SMAD5: variants seen among roughly 807,000 people sequenced by gnomAD.
SMAD5 encodes the protein MAD, mothers against decapentaplegic homolog 5.
Under a neutral mutation model 43.1 loss-of-function variants are expected in SMAD5, and 9 were observed. The observed-to-expected ratio is 0.21, with a 90% CI of 0.13 to 0.36. The LOEUF (loss-of-function observed/expected upper bound fraction) is 0.36, where lower values mean the gene tolerates loss of function less well. Ranked by LOEUF, SMAD5 falls within the 10% of genes least tolerant of loss-of-function variation. SMAD5 has a pLI of 1.00. For missense variants in SMAD5, 348 were observed against 574.0 expected (o/e 0.61, Z 4.02); for synonymous variants, 190 against 192.4 (o/e 0.99, Z 0.10).
intron 3 of SMAD5, among the ~76,000 whole-genome samples, 166 bp downstream of exon 3, chr5:136,154,329 A>T (rs1047613592): frequency 2.0e-5 from 3 of 152,254 alleles, no homozygotes; most frequent in Admixed American, 6.5e-5. Flanking sequence ...TTAGCTTTTT[A>T]TATGTAGGTG....
intron 1 of SMAD5, among the ~76,000 whole-genome samples, chr5:136,137,017 ATTTT>A (rs60239443): frequency 1.7e-4 from 18 of 108,984 alleles, no homozygotes; most frequent in East Asian, 2.7e-4. Context: ...TTTAGTTTTG[ATTTT>A]TTTTTTTTTT....
intron 2 of SMAD5, among the ~76,000 whole-genome samples, chr5:136,149,088 T>C (rs967805976): frequency 6.6e-6 from 1 of 151,834 alleles, no homozygotes; most frequent in Non-Finnish European, 1.5e-5. Context: ...TTGCCTGTTT[T>C]TGAATGTTGT....
At chr5:136,143,289 A>T in intron 1 of SMAD5, among the ~76,000 whole-genome samples, 1 of 146,028 alleles carries the variant, frequency 6.8e-6, no homozygotes, top group South Asian at 2.2e-4. Flanking sequence ...TTATTTAATC[A>T]CGGTGTGTGT....
intron 1 of SMAD5, among the ~76,000 whole-genome samples, chr5:136,144,290 G>C (rs1753187946): frequency 6.6e-6 from 1 of 152,006 alleles, no homozygotes; most frequent in Admixed American, 6.6e-5. Flanking sequence ...TGATGCTCAT[G>C]GTTAGCCTGT....
chr5:136,177,097 C>G (rs1229286975), intron 7 of SMAD5, among the ~76,000 whole-genome samples: 1 of 152,052 alleles, frequency 6.6e-6, no homozygotes, highest in Non-Finnish European at 1.5e-5. Flanking sequence ...ATAACTGGCT[C>G]TAAGGGTTTC....
At chr5:136,142,162 A>G (rs1420498421) in intron 1 of SMAD5, among the ~76,000 whole-genome samples, 7 of 152,188 alleles carry the variant, frequency 4.6e-5, no homozygotes, top group Non-Finnish European at 8.8e-5. Flanking sequence ...TGGAATTTAC[A>G]TTCTTGTGGG....
intron 1 of SMAD5, among the ~76,000 whole-genome samples, chr5:136,144,466 A>C (rs1281102699): frequency 2.0e-5 from 3 of 151,960 alleles, no homozygotes; most frequent in African/African-American, 7.2e-5. Context: ...TTTATAAACA[A>C]CTGTTTTACA....
chr5:136,173,494 G>A (rs574821302), intron 6 of SMAD5, among the ~76,000 whole-genome samples: 9 of 152,142 alleles, frequency 5.9e-5, no homozygotes, highest in South Asian at 2.1e-4. Flanking sequence ...AATAAGTTAC[G>A]AAACAAAGTT....
intron 1 of SMAD5, among the ~76,000 whole-genome samples, chr5:136,144,941 A>T (rs1425246023): frequency 6.6e-6 from 1 of 151,846 alleles, no homozygotes; most frequent in Non-Finnish European, 1.5e-5. Context: ...AACACTGAGG[A>T]ATATAGGAGA....
chr5:136,164,967 A>C (rs992664350), intron 5 of SMAD5, among the ~76,000 whole-genome samples: 1 of 152,174 alleles, frequency 6.6e-6, no homozygotes, highest in African/African-American at 2.4e-5. Context: ...TGTTGAAAAG[A>C]GTATCATTTC....
At chr5:136,141,215 A>G (rs1416099591) in intron 1 of SMAD5, among the ~76,000 whole-genome samples, 1 of 152,202 alleles carries the variant, frequency 6.6e-6, no homozygotes, top group Non-Finnish European at 1.5e-5. Context: ...AAGACATTCC[A>G]GTATAGGAAG....
chr5:136,168,068 T>A (rs547219206), intron 5 of SMAD5, among the ~76,000 whole-genome samples: 2 of 152,278 alleles, frequency 1.3e-5, no homozygotes, highest in South Asian at 4.1e-4. Context: ...CTTGAACTCC[T>A]GACCTCACAT....
At chr5:136,168,030 G>A (rs775637223) in intron 5 of SMAD5, among the ~76,000 whole-genome samples, 27 of 152,024 alleles carry the variant, frequency 1.8e-4, no homozygotes, top group Non-Finnish European at 1.2e-4. Context: ...TAATAGAGAC[G>A]GAGTTTCACC....
rs1754549773 is a variant in SMAD5 at position 136,179,578 on chromosome 5, A to G, written c.*2098A>G. The stretch of plus-strand genomic sequence containing the variant: ...CAGTGGATGGTTTTAGTTCTTTCAG[A>G]TGAACTGCCATTTGTGTTTCAGCTC... On this transcript the variant is annotated 3_prime_UTR_variant, in exon 8 of 8. Transcript: ENST00000545279. 1.3e-5 allele frequency: 2 copies of G among 152,218 alleles called. No individual in the cohort carries two copies. The highest frequency in any genetic ancestry group is 1.9e-4 in the East Asian group (1 of 5,196). 9.4% of individuals were successfully genotyped at this position (152,218 alleles called of 1,614,324 possible).
At position 136,181,125 on chromosome 5, in the gene SMAD5, C is replaced by A. The variant is rs1333428521; in HGVS notation, c.*3645C>A. ...GAACATCTGATGTACCAATTTAGAT[C>A]TATTTCTTTATACTTTTTCTAATCA... On this transcript the variant is annotated 3_prime_UTR_variant, in exon 8 of 8. Transcript: ENST00000545279. 6.6e-6 allele frequency: 1 copy of A among 152,064 alleles called. No homozygotes were observed. The highest frequency in any genetic ancestry group is 2.4e-5 in the African/African-American group (1 of 41,426). 9.4% of individuals were successfully genotyped at this position (152,064 alleles called of 1,614,324 possible). A position where few individuals can be genotyped will look rare whatever the true frequency, so the allele number is the denominator to read the frequency against.
At chr5:136,148,682 A>G (rs1192493544) in intron 2 of SMAD5, among the ~76,000 whole-genome samples, 1 of 151,726 alleles carries the variant, frequency 6.6e-6, no homozygotes, top group Non-Finnish European at 1.5e-5. Flanking sequence ...CATCCAGAAG[A>G]CAGTAACAGA....
chr5:136,173,672 T>C (rs1263596949), intron 6 of SMAD5, among the ~76,000 whole-genome samples: 1 of 152,066 alleles, frequency 6.6e-6, no homozygotes, highest in Non-Finnish European at 1.5e-5. Context: ...CCCCAGCATA[T>C]AGTTCTAGGA....
At chr5:136,168,462 A>G (rs1457091014) in intron 5 of SMAD5, among the ~76,000 whole-genome samples, 1 of 152,118 alleles carries the variant, frequency 6.6e-6, no homozygotes, top group African/African-American at 2.4e-5. Context: ...GTTCACAGCA[A>G]AATTAAGTGG....
chr5:136,164,195 C>CA (rs899241599), intron 5 of SMAD5, among the ~76,000 whole-genome samples: 7 of 151,956 alleles, frequency 4.6e-5, no homozygotes, highest in Admixed American at 2.6e-4. Flanking sequence ...GGCTCCATCT[C>CA]AAAAAAACAA....
Sources: gnomAD v4.1 joint callset for allele counts (sites outside exome capture counted in the v4.1 genomes callset) on GRCh38, gnomAD v4.1.1 for gene constraint, MANE v1.5 for transcripts, NCBI Gene and HGNC (gene_info 2026-07-23, HGNC 2026-07-21) for gene names.